Variants in NEK10 observed in about 807,000 individuals in gnomAD.
The protein encoded by NEK10 is serine/threonine-protein kinase Nek10.
NEK10 carries 122 observed loss-of-function variants against 159.8 expected under a neutral mutation model. That is an observed-to-expected ratio of 0.76 (90% CI 0.66 to 0.89). NEK10 has a LOEUF of 0.89. Among genes scored for constraint, NEK10 ranks in the 40% least tolerant of loss-of-function variants. NEK10 has a pLI of 0.00. For missense variants in NEK10, 1,342 were observed against 1,323.1 expected (o/e 1.01, Z -0.22); for synonymous variants, 466 against 457.1 (o/e 1.02, Z -0.25).
chr3:27,230,044 G>C (rs1200461340), intron 23 of NEK10, among the ~76,000 whole-genome samples: 1 of 152,028 alleles, frequency 6.6e-6, no homozygotes, highest in African/African-American at 2.4e-5. Context: ...ATTACAAAAA[G>C]ATCATCACAA....
chr3:27,115,984 T>C lies in NEK10; in HGVS notation c.3255A>G (p.Glu1085=), dbSNP rs1559472481. 2.5e-6 allele frequency: 4 copies of C among 1,613,210 alleles called. No individual in the cohort carries two copies. The highest frequency in any genetic ancestry group is 1.7e-4 in the Middle Eastern group (1 of 6,030). Residue 1085 remains glutamate, a synonymous_variant, in exon 35 of 36, where the codon GAA becomes GAG. Transcript: ENST00000691995. ...AATAGCCACTTTCCTCAAGGACTTC[T>C]TCAATCACAGTCTAAAATTTTAAAA... ...ITYEQMQTVI[E]EVLEESGYYN...
intron 23 of NEK10, among the ~76,000 whole-genome samples, chr3:27,205,165 T>A (rs1243510977): frequency 6.6e-6 from 1 of 152,070 alleles, no homozygotes; most frequent in East Asian, 1.9e-4. Context: ...TTGAAGGACC[T>A]CTTCAAGGAG....
intron 30 of NEK10, among the ~76,000 whole-genome samples, chr3:27,142,709 G>A (rs889347977): frequency 1.3e-5 from 2 of 152,188 alleles, no homozygotes; most frequent in African/African-American, 4.8e-5. Flanking sequence ...CATTTAAAGA[G>A]AACATTCAAT....
At chr3:27,271,461 A>G (rs2041354695) in intron 22 of NEK10, among the ~76,000 whole-genome samples, 2 of 152,200 alleles carry the variant, frequency 1.3e-5, no homozygotes, top group Non-Finnish European at 2.9e-5. Flanking sequence ...CTTATAACCA[A>G]AAATAATGCT....
intron 23 of NEK10, among the ~76,000 whole-genome samples, chr3:27,246,562 AC>A (rs1955084511): frequency 6.6e-6 from 1 of 152,036 alleles, no homozygotes. Flanking sequence ...ATCTAATTAT[AC>A]TCTTTCAGTT....
At chr3:27,337,348 G>T (rs1276046875) in intron 5 of NEK10, among the ~76,000 whole-genome samples, 2 of 152,044 alleles carry the variant, frequency 1.3e-5, no homozygotes, top group Admixed American at 6.6e-5. Flanking sequence ...GACATTCCAT[G>T]CTCGTGGATC....
intron 22 of NEK10, 123 bp from the exon 23 acceptor site, chr3:27,256,494 A>G (rs1956190656): frequency 7.0e-6 from 3 of 431,126 alleles, no homozygotes; most frequent in Non-Finnish European, 1.2e-5. Flanking sequence ...TCTTTTCTTA[A>G]TGCTATATAT....
At chr3:27,250,440 T>C (rs888192031) in intron 23 of NEK10, among the ~76,000 whole-genome samples, 2 of 152,230 alleles carry the variant, frequency 1.3e-5, no homozygotes, top group Admixed American at 1.3e-4. Context: ...CCTGCCTTGG[T>C]CTCCCAAAGT....
At chr3:27,170,166 T>A (rs1042214928) in intron 29 of NEK10, among the ~76,000 whole-genome samples, 1 of 152,162 alleles carries the variant, frequency 6.6e-6, no homozygotes, top group Admixed American at 6.5e-5. Flanking sequence ...CCCTGCCTGC[T>A]ATAGCACATC....
rs1419790537 is a variant in NEK10 at position 27,143,603 on chromosome 3, C to T, written c.2870-2021G>A. 8.0e-6 allele frequency: 4 copies of T among 500,288 alleles called. No individual in the cohort carries two copies. In the East Asian group the frequency reaches 1.3e-4, roughly 16 times the overall value. 31.0% of individuals were successfully genotyped at this position (500,288 alleles called of 1,614,324 possible). On this transcript the variant is annotated intron_variant, in intron 30 of 35. Coordinates refer to ENST00000691995, the MANE Select transcript of NEK10 (RefSeq NM_001394966.1). ...ACTACCCTCACAATCCCAACACATC[C>T]TTGACTTCTGGAAATACTTTTGATT...
In NEK10 at chr3:27,120,892, A is replaced by G. The variant is rs114483812; in HGVS notation, c.3082-1024T>C. ...AGTGCCTAAATTACTTTTAAAATATAAATTCATAATAATAAGTCAGAAAAA... is the reference window on the plus strand; with the variant it reads ...AGTGCCTAAATTACTTTTAAAATATGAATTCATAATAATAAGTCAGAAAAA... On this transcript the variant is annotated intron_variant, in intron 32 of 35. Transcript: ENST00000691995. Among the ~76,000 whole-genome samples the G allele has an allele frequency of 5.7e-3, 865 of 152,326 alleles. 7 individuals are homozygous for G. Among genetic ancestry groups the G allele is most frequent in the African/African-American group, 0.019 (796 of 41,560 alleles).
rs1263843526 is a variant in NEK10 at position 27,107,169 on chromosome 3, G to C, written c.*4103C>G. Reference sequence around the variant, plus strand: ...TAGCAAGTATGCAGCTGTGATTTTAGGGTACGTGATCTTCATTTTTAAAAA... The same window carrying C: ...TAGCAAGTATGCAGCTGTGATTTTACGGTACGTGATCTTCATTTTTAAAAA... On this transcript the variant is annotated 3_prime_UTR_variant, in exon 36 of 36. Coordinates refer to ENST00000691995, the MANE Select transcript of NEK10 (RefSeq NM_001394966.1). Among the ~76,000 whole-genome samples, 1 of 151,916 alleles carries C rather than the reference G, an allele frequency of 6.6e-6. No homozygotes were observed. The highest frequency in any genetic ancestry group is 1.5e-5 in the Non-Finnish European group (1 of 67,986).
rs571839248 is a variant in NEK10, at chr3:27,107,170, G to T, written c.*4102C>A. Among the ~76,000 whole-genome samples, 2 of 151,820 alleles carry T rather than the reference G, an allele frequency of 1.3e-5. No individual in the cohort carries two copies. Among genetic ancestry groups the T allele is most frequent in the Non-Finnish European group, 2.9e-5 (2 of 67,962 alleles). On this transcript the variant is annotated 3_prime_UTR_variant, in exon 36 of 36. Transcript: ENST00000691995. ...AGCAAGTATGCAGCTGTGATTTTAG[G>T]GTACGTGATCTTCATTTTTAAAAAC...
At chr3:27,238,514 T>G (rs1156387973) in intron 23 of NEK10, among the ~76,000 whole-genome samples, 1 of 152,200 alleles carries the variant, frequency 6.6e-6, no homozygotes, top group African/African-American at 2.4e-5. Context: ...GAAGTTTTGT[T>G]GTTTTTATTT....
At position 27,301,714 on chromosome 3, in the gene NEK10, T is replaced by G; in HGVS notation, c.1150A>C (p.Thr384Pro). Residue 384 changes from threonine (T) to proline (P), a missense_variant, in exon 13 of 36, where the codon ACT becomes CCT. Transcript: ENST00000691995. ...TAAATACCTGCTTGAAGTGAGAAAG[T>G]ATTTTCTTGTATTTCCCTAGGGCTC... ...DLSPREIQEN[T>P]FSLQAACCAA... 6.4e-7 allele frequency: 1 copy of G among 1,570,456 alleles called. No homozygotes were observed. The highest frequency in any genetic ancestry group is 8.7e-7 in the Non-Finnish European group (1 of 1,152,156).
At position 27,365,597 on chromosome 3, in the gene NEK10, GTTT is replaced by G. The variant is rs71091128; in HGVS notation, c.-38+3625_-38+3627del. 1.3e-3 allele frequency among the ~76,000 whole-genome samples: 115 copies of G among 90,956 alleles called. 1 individual carries two copies. Among genetic ancestry groups the G allele is most frequent in the Non-Finnish European group, 1.8e-3 (83 of 45,206 alleles). The allele number at this position is 90,956 out of a possible 152,430, so 59.7% of individuals were successfully genotyped here. A position where few individuals can be genotyped will look rare whatever the true frequency, so the allele number is the denominator to read the frequency against. On this transcript the variant is annotated intron_variant, in intron 1 of 35. Coordinates refer to ENST00000691995, the MANE Select transcript of NEK10 (RefSeq NM_001394966.1). ...CTGTTTTTTTGTTTTGGTTTTTTGT[GTTT>G]TTTTTTTGTGTTTTTTTTTTTTTTT...
intron 31 of NEK10, among the ~76,000 whole-genome samples, chr3:27,136,035 T>A (rs1050676900): frequency 6.6e-6 from 1 of 151,914 alleles, no homozygotes; most frequent in Non-Finnish European, 1.5e-5. Flanking sequence ...TGGCAATAAC[T>A]GTGGTTGTGA....
chr3:27,232,769 C>T (rs891786461), intron 23 of NEK10, among the ~76,000 whole-genome samples: 1 of 151,884 alleles, frequency 6.6e-6, no homozygotes, highest in Non-Finnish European at 1.5e-5. Context: ...GACTTACAGC[C>T]AACTGATCTT....
At chr3:27,353,139 A>G (rs546995096) in intron 1 of NEK10, among the ~76,000 whole-genome samples, 2 of 152,332 alleles carry the variant, frequency 1.3e-5, no homozygotes, top group African/African-American at 4.8e-5. Context: ...CACTCAAAAG[A>G]TAAGTATGGG....
Sources: gnomAD v4.1 joint callset for allele counts (sites outside exome capture counted in the v4.1 genomes callset) on GRCh38, gnomAD v4.1.1 for gene constraint, MANE v1.5 for transcripts, NCBI Gene and HGNC (gene_info 2026-07-23, HGNC 2026-07-21) for gene names.